Variants in VHL observed in about 807,000 individuals in gnomAD.
VHL encodes the protein von Hippel-Lindau tumor suppressor.
Under a neutral mutation model 19.2 loss-of-function variants are expected in VHL, and 10 were observed. The observed-to-expected ratio is 0.52, with a 90% CI of 0.32 to 0.89. The LOEUF (loss-of-function observed/expected upper bound fraction) is 0.89. VHL is among the 40% of genes least tolerant of loss of function. The pLI, the probability that VHL is intolerant of heterozygous loss-of-function variation, is 0.03. For missense variants in VHL, 328 were observed against 292.7 expected (o/e 1.12, Z -0.88); for synonymous variants, 167 against 129.5 (o/e 1.29, Z -1.97).
rs63650860 is a variant in VHL at position 10,142,030 on chromosome 3, C to G, written c.183C>G (p.Pro61=). ...AGATGGAGGCCGGGCGGCCGCGGCC[C>G]GTGCTGCGCTCGGTGAACTCGCGCG... ...EEEMEAGRPR[P]VLRSVNSREP... Residue 61 remains proline, a synonymous_variant, in exon 1 of 3, where the codon CCC becomes CCG. Transcript: ENST00000256474. 1,589 of 1,598,720 alleles carry G rather than the reference C, an allele frequency of 9.9e-4. 3 individuals are homozygous for G. The highest frequency in any genetic ancestry group is 2.3e-3 in the Middle Eastern group (14 of 6,024).
In VHL at chr3:10,142,911, G is replaced by C. The variant is rs900590059; in HGVS notation, c.340+724G>C. The C allele has an allele frequency of 2.0e-5, 3 of 152,620 alleles. No individual in the cohort carries two copies. The highest frequency in any genetic ancestry group is 2.9e-5 in the Non-Finnish European group (2 of 68,408). The allele number at this position is 152,620 out of a possible 1,614,324, so 9.5% of individuals were successfully genotyped here. The stretch of plus-strand genomic sequence containing the variant: ...CCGACCGTGTGTGGCGTGGGAAATT[G>C]ACTTACCTGCCTGCTGGGAGATGGA... On this transcript the variant is annotated intron_variant, in intron 1 of 2. Transcript: ENST00000256474.
intron 2 of VHL, 130 bp downstream of exon 2, chr3:10,146,766 A>G (rs147014327): frequency 3.2e-5 from 37 of 1,166,006 alleles, no homozygotes; most frequent in Non-Finnish European, 4.4e-5. Flanking sequence ...TTTGTATCCT[A>G]TTCTCTACCA....
chr3:10,153,279 A>G lies in VHL; in HGVS notation c.*3314A>G, dbSNP rs1224456756. On this transcript the variant is annotated 3_prime_UTR_variant, in exon 3 of 3. Transcript: ENST00000256474. The stretch of plus-strand genomic sequence containing the variant: ...GGCGACAGAGTGAGACACCGTCTCA[A>G]AAAAAAAAACAAAAAACAAAAATTA... 6.6e-6 allele frequency among the ~76,000 whole-genome samples: 1 copy of G among 150,804 alleles called. No individual in the cohort carries two copies. Among genetic ancestry groups the G allele is most frequent in the East Asian group, 1.9e-4 (1 of 5,162 alleles).
At chr3:10,143,574 A>C (rs1251358061) in intron 1 of VHL, among the ~76,000 whole-genome samples, 2 of 152,096 alleles carry the variant, frequency 1.3e-5, no homozygotes, top group Non-Finnish European at 2.9e-5. Context: ...CAGCCTCCCA[A>C]GTAACTGGGA....
intron 1 of VHL, among the ~76,000 whole-genome samples, chr3:10,143,365 A>T (rs1696175688): frequency 6.6e-6 from 1 of 151,894 alleles, no homozygotes; most frequent in African/African-American, 2.4e-5. Flanking sequence ...CTGACCTCAG[A>T]TGATCCACCC....
rs1019565083 is a variant in VHL at position 10,153,289 on chromosome 3, C to T, written c.*3324C>T. On this transcript the variant is annotated 3_prime_UTR_variant, in exon 3 of 3. Coordinates refer to ENST00000256474, the MANE Select transcript of VHL (RefSeq NM_000551.4). ...TGAGACACCGTCTCAAAAAAAAAAACAAAAAACAAAAATTATCCAGGTGTG... is the reference window on the plus strand; with the variant it reads ...TGAGACACCGTCTCAAAAAAAAAAATAAAAAACAAAAATTATCCAGGTGTG... 1.3e-5 allele frequency among the ~76,000 whole-genome samples: 2 copies of T among 150,324 alleles called. No individual in the cohort carries two copies. Among genetic ancestry groups the T allele is most frequent in the Non-Finnish European group, 3.0e-5 (2 of 67,440 alleles).
chr3:10,144,024 CT>C (rs1696192280), intron 1 of VHL, among the ~76,000 whole-genome samples: 1 of 152,160 alleles, frequency 6.6e-6, no homozygotes, highest in Admixed American at 6.6e-5. Flanking sequence ...GGGTGGTGTA[CT>C]TAATACACTT....
intron 2 of VHL, among the ~76,000 whole-genome samples, chr3:10,148,898 C>G (rs1347218134): frequency 6.6e-6 from 1 of 151,362 alleles, no homozygotes; most frequent in Non-Finnish European, 1.5e-5. Context: ...ATCTTGAACT[C>G]TTGAGCTCAG....
In VHL at chr3:10,145,484, T is replaced by A. The variant is rs573815049; in HGVS notation, c.341-1030T>A. The stretch of plus-strand genomic sequence containing the variant: ...ACTTTGGGAGGCCGAGGCGGGCGGA[T>A]CATAAGATCAGGAGATTGAGACCAT... On this transcript the variant is annotated intron_variant, in intron 1 of 2. Coordinates refer to ENST00000256474, the MANE Select transcript of VHL (RefSeq NM_000551.4). Among the ~76,000 whole-genome samples, 7 of 151,938 alleles carry A rather than the reference T, an allele frequency of 4.6e-5. No homozygotes were observed. The South Asian group carries it at 1.2e-3, about 27-fold the overall frequency.
chr3:10,142,563 C>A (rs539163717), intron 1 of VHL: 278 of 261,904 alleles, frequency 1.1e-3, no homozygotes, highest in Non-Finnish European at 1.6e-3. Context: ...TCAGGCTGGT[C>A]TCGAACTGCT....
In VHL at chr3:10,150,573, T is replaced by G. The variant is rs888485188; in HGVS notation, c.*608T>G. 6.9e-5 allele frequency: 17 copies of G among 246,858 alleles called. No homozygotes were observed. The highest frequency in any genetic ancestry group is 4.9e-4 in the Admixed American group (10 of 20,316). 15.3% of individuals were successfully genotyped at this position (246,858 alleles called of 1,614,324 possible). A position where few individuals can be genotyped will look rare whatever the true frequency, so the allele number is the denominator to read the frequency against. On this transcript the variant is annotated 3_prime_UTR_variant, in exon 3 of 3. Transcript: ENST00000256474. ...GGGGGTGGGAGAGGGGACCTTAAAATGTGTACAGTGAACAAATGTCTTAAA... is the reference window on the plus strand; with the variant it reads ...GGGGGTGGGAGAGGGGACCTTAAAAGGTGTACAGTGAACAAATGTCTTAAA...
intron 1 of VHL, among the ~76,000 whole-genome samples, chr3:10,145,319 A>G (rs762382884): frequency 1.3e-5 from 2 of 152,202 alleles, no homozygotes; most frequent in Non-Finnish European, 2.9e-5. Context: ...AACAAGTGCT[A>G]TATTTATTCT....
intron 2 of VHL, 61 bp from the exon 3 acceptor site, chr3:10,149,726 T>TGTTC: frequency 6.8e-7 from 1 of 1,461,118 alleles, no homozygotes; most frequent in Non-Finnish European, 9.6e-7. Context: ...CAAAGCCTCT[T>TGTTC]GTTCGTTCCT....
At chr3:10,143,689 T>C (rs905456612) in intron 1 of VHL, among the ~76,000 whole-genome samples, 9 of 151,928 alleles carry the variant, frequency 5.9e-5, no homozygotes, top group African/African-American at 1.9e-4. Flanking sequence ...GCTCGTGATC[T>C]GCCTGCTTCG....
At chr3:10,146,238 A>G (rs566297318) in intron 1 of VHL, among the ~76,000 whole-genome samples, 129 of 146,040 alleles carry the variant, frequency 8.8e-4, no homozygotes, top group African/African-American at 3.1e-3. Flanking sequence ...CAGTGGCGCG[A>G]TCTCGGCTCA....
rs1575930743 is a variant in VHL, at chr3:10,148,656, A to C, written c.464-1131A>C. 3.5e-5 allele frequency among the ~76,000 whole-genome samples: 5 copies of C among 141,202 alleles called. No homozygotes were observed. The South Asian group carries it at 1.1e-3, about 32-fold the overall frequency. The allele number at this position is 141,202 out of a possible 152,430, so 92.6% of individuals were successfully genotyped here. ...CATTGTTTTGGTTATGTGTTTTGTG[A>C]CTACCACCCCAAAACTAATAACCAC... On this transcript the variant is annotated intron_variant, in intron 2 of 2. Transcript: ENST00000256474.
chr3:10,141,900 C>T lies in VHL; in HGVS notation c.53C>T (p.Ala18Val), dbSNP rs1553619302. Reference sequence around the variant, plus strand: ...GAGGCCGAGGTAGGCGCGGAGGAGGCAGGCGTCGAAGAGTACGGCCCTGAA... The same window carrying T: ...GAGGCCGAGGTAGGCGCGGAGGAGGTAGGCGTCGAAGAGTACGGCCCTGAA... Reference protein sequence around the residue: ...WDEAEVGAEEAGVEEYGPEED... With the variant: ...WDEAEVGAEEVGVEEYGPEED... Residue 18 changes from alanine (A) to valine (V), a missense_variant, in exon 1 of 3, where the codon GCA (alanine) becomes GTA (valine). Coordinates refer to ENST00000256474, the MANE Select transcript of VHL (RefSeq NM_000551.4). 3.3e-6 allele frequency: 5 copies of T among 1,532,134 alleles called. No individual in the cohort carries two copies. The highest frequency in any genetic ancestry group is 2.5e-5 in the East Asian group (1 of 40,456). The allele number at this position is 1,532,134 out of a possible 1,614,324, so 94.9% of individuals were successfully genotyped here.
intron 1 of VHL, among the ~76,000 whole-genome samples, chr3:10,144,174 A>G (rs1359363323): frequency 6.6e-6 from 1 of 152,138 alleles, no homozygotes; most frequent in Admixed American, 6.6e-5. Context: ...TTTAATATAA[A>G]AATTTACTGA....
intron 2 of VHL, 52 bp from the exon 3 acceptor site, chr3:10,149,735 C>G: frequency 6.6e-7 from 1 of 1,526,362 alleles, no homozygotes; most frequent in Non-Finnish European, 9.1e-7. Context: ...TTGTTCGTTC[C>G]TTGTACTGAG....
Sources: gnomAD v4.1 joint callset for allele counts (sites outside exome capture counted in the v4.1 genomes callset) on GRCh38, gnomAD v4.1.1 for gene constraint, MANE v1.5 for transcripts, NCBI Gene and HGNC (gene_info 2026-07-23, HGNC 2026-07-21) for gene names.